Variants in FHOD3 observed in about 807,000 individuals in gnomAD.
FHOD3 encodes formin homology 2 domain containing 3.
Under a neutral mutation model 173.0 loss-of-function variants are expected in FHOD3, and 90 were observed. That is an observed-to-expected ratio of 0.52 (90% CI 0.44 to 0.62). The LOEUF (loss-of-function observed/expected upper bound fraction) is 0.62. Ranked by LOEUF, FHOD3 falls within the 20% of genes least tolerant of loss-of-function variation. The pLI, the probability that FHOD3 is intolerant of heterozygous loss-of-function variation, is 0.00. For synonymous variants in FHOD3, 828 were observed against 823.0 expected, an observed-to-expected ratio of 1.01 and a Z score of -0.10; for missense variants, 1,945 against 2,034.7, an observed-to-expected ratio of 0.96 and a Z score of 0.85.
intron 7 of FHOD3, 38 bp downstream of exon 7, chr18:36,594,936 G>C: frequency 7.4e-7 from 1 of 1,355,662 alleles, no homozygotes; most frequent in Non-Finnish European, 1.0e-6. Context: ...TGAAGGTGAA[G>C]GTGTCTAATG....
At chr18:36,755,092 A>G in intron 24 of FHOD3, 27 bp from the exon 25 acceptor site, 1 of 1,475,034 alleles carries the variant, frequency 6.8e-7, no homozygotes, top group Non-Finnish European at 9.0e-7. Context: ...AACGGAAGTC[A>G]TTGCTATTAC....
At chr18:36,762,420 T>C (rs1433260454) in intron 27 of FHOD3, among the ~76,000 whole-genome samples, 2 of 152,232 alleles carry the variant, frequency 1.3e-5, no homozygotes, top group African/African-American at 2.4e-5. Context: ...TGACTGGTTT[T>C]CTCACTTCAT....
At chr18:36,388,152 C>T (rs2146406561) in intron 3 of FHOD3, among the ~76,000 whole-genome samples, 1 of 152,204 alleles carries the variant, frequency 6.6e-6, no homozygotes, top group Middle Eastern at 3.4e-3. Flanking sequence ...AAGGTATTTG[C>T]TCATAAATTA....
At chr18:36,622,238 A>G (rs751159271) in intron 9 of FHOD3, among the ~76,000 whole-genome samples, 8 of 152,250 alleles carry the variant, frequency 5.3e-5, no homozygotes, top group African/African-American at 1.9e-4. Flanking sequence ...TGCAAGATGA[A>G]TAAGTTATAG....
At chr18:36,572,908 A>G (rs187041055) in intron 5 of FHOD3, among the ~76,000 whole-genome samples, 2 of 152,300 alleles carry the variant, frequency 1.3e-5, no homozygotes, top group African/African-American at 2.4e-5. Flanking sequence ...AGAATGGGAA[A>G]AGGACAGTGG....
chr18:36,503,790 C>A (rs1449363359), intron 4 of FHOD3, among the ~76,000 whole-genome samples: 3 of 152,198 alleles, frequency 2.0e-5, no homozygotes, highest in Admixed American at 6.5e-5. Flanking sequence ...GATTTCTCAG[C>A]ATAACATGGA....
chr18:36,298,434 G>A (rs562311162), intron 1 of FHOD3, among the ~76,000 whole-genome samples: 224 of 152,282 alleles, frequency 1.5e-3, no homozygotes, highest in African/African-American at 4.8e-3. Flanking sequence ...AGCTCTGAGC[G>A]ACGGCCGGGA....
rs2043018290 is a variant in FHOD3 at position 36,763,642 on chromosome 18, GTGTATTATACACGTTATATATAATATATA to G, written c.4624+2870_4624+2898del. On this transcript the variant is annotated intron_variant, in intron 27 of 28. Coordinates refer to ENST00000590592, the MANE Select transcript of FHOD3 (RefSeq NM_001281740.3). ...ATTATACACGTTATATATAATATAT[GTGTATTATACACGTTATATATAATATATA>G]TGTATTATATATTTCTGTGTGTATA... Among the ~76,000 whole-genome samples, 6 of 119,544 alleles carry G rather than the reference GTGTATTATACACGTTATATATAATATATA, an allele frequency of 5.0e-5. 1 individual carries two copies. Among genetic ancestry groups the G allele is most frequent in the Non-Finnish European group, 1.0e-4 (5 of 50,148 alleles). The allele number at this position is 119,544 out of a possible 152,430, so 78.4% of individuals were successfully genotyped here. A position where few individuals can be genotyped will look rare whatever the true frequency, so the allele number is the denominator to read the frequency against.
chr18:36,446,875 CCTTCA>C (rs1455790686), intron 3 of FHOD3, among the ~76,000 whole-genome samples: 1 of 152,038 alleles, frequency 6.6e-6, no homozygotes, highest in Non-Finnish European at 1.5e-5. Flanking sequence ...CCTTTAATCT[CCTTCA>C]CTAAAAACTT....
At chr18:36,541,249 CAAAAAAAAAAAA>C (rs770104487) in intron 5 of FHOD3, among the ~76,000 whole-genome samples, 7 of 40,358 alleles carry the variant, frequency 1.7e-4, no homozygotes, top group Non-Finnish European at 3.7e-4. Flanking sequence ...GACTCTGTCT[CAAAAAAAAAAAA>C]AAAAAAAAAA....
intron 3 of FHOD3, among the ~76,000 whole-genome samples, chr18:36,381,046 C>T (rs572967508): frequency 2.0e-5 from 3 of 152,218 alleles, no homozygotes; most frequent in Non-Finnish European, 4.4e-5. Context: ...GATGCTCCTC[C>T]TTTTAGGCCA....
At chr18:36,342,776 C>T (rs532840944) in intron 1 of FHOD3, among the ~76,000 whole-genome samples, 11 of 152,194 alleles carry the variant, frequency 7.2e-5, no homozygotes, top group South Asian at 4.2e-4. Flanking sequence ...ATCACATATC[C>T]GATAGAAGAC....
rs182877735 is a variant in FHOD3 at position 36,553,953 on chromosome 18, G to T, written c.512-22498G>T. Among the ~76,000 whole-genome samples the T allele has an allele frequency of 1.6e-4, 24 of 152,296 alleles. No individual in the cohort carries two copies. The East Asian group carries it at 3.3e-3, about 21-fold the overall frequency. ...CACAACAAGATACCATCTCACACCA[G>T]TTAGAATGGCGATCATTAAAAAGTC... On this transcript the variant is annotated intron_variant, in intron 5 of 28. Coordinates refer to ENST00000590592, the MANE Select transcript of FHOD3 (RefSeq NM_001281740.3).
chr18:36,517,835 G>C (rs774346616), intron 5 of FHOD3, among the ~76,000 whole-genome samples: 5 of 152,076 alleles, frequency 3.3e-5, no homozygotes, highest in Non-Finnish European at 5.9e-5. Context: ...CAGATTTCAG[G>C]CTTCTTTGGA....
At chr18:36,576,600 CT>C in intron 6 of FHOD3, 55 bp downstream of exon 6, 2 of 1,384,346 alleles carry the variant, frequency 1.4e-6, no homozygotes, top group Non-Finnish European at 2.0e-6. Flanking sequence ...ACTTGCCTTT[CT>C]TTTTTCTCTG....
chr18:36,320,187 A>G (rs540170882), intron 1 of FHOD3, among the ~76,000 whole-genome samples: 1 of 152,326 alleles, frequency 6.6e-6, no homozygotes, highest in South Asian at 2.1e-4. Context: ...AAATCAATGA[A>G]TCCAGGAGCT....
intron 14 of FHOD3, among the ~76,000 whole-genome samples, chr18:36,675,733 A>G (rs1181582346): frequency 1.3e-5 from 2 of 152,162 alleles, no homozygotes; most frequent in African/African-American, 2.4e-5. Context: ...TTCTGACTTC[A>G]TGCATCCTGT....
At chr18:36,761,234 A>T (rs1406557817) in intron 27 of FHOD3, among the ~76,000 whole-genome samples, 1 of 152,182 alleles carries the variant, frequency 6.6e-6, no homozygotes, top group Non-Finnish European at 1.5e-5. Flanking sequence ...AAGGTTGCCA[A>T]CCCTGCCCTA....
intron 3 of FHOD3, among the ~76,000 whole-genome samples, chr18:36,482,691 A>T (rs1775310841): frequency 6.6e-6 from 1 of 152,062 alleles, no homozygotes; most frequent in Admixed American, 6.5e-5. Flanking sequence ...ACTTTGTGTA[A>T]TTGCTTTCAC....
Sources: gnomAD v4.1 joint callset for allele counts (sites outside exome capture counted in the v4.1 genomes callset) on GRCh38, gnomAD v4.1.1 for gene constraint, MANE v1.5 for transcripts, NCBI Gene and HGNC (gene_info 2026-07-23, HGNC 2026-07-21) for gene names.